Variants in ATP6V1A observed in about 807,000 individuals in gnomAD.
The protein encoded by ATP6V1A is ATPase H+ transporting V1 subunit A, also known as V-type proton ATPase catalytic subunit A.
A neutral mutation model predicts 70.1 loss-of-function variants in ATP6V1A; 18 were observed. The observed-to-expected ratio is 0.26, with a 90% confidence interval of 0.18 to 0.38. The LOEUF (loss-of-function observed/expected upper bound fraction) is 0.38, where lower values mean the gene tolerates loss of function less well. ATP6V1A is among the 10% of genes least tolerant of loss of function. ATP6V1A has a pLI of 1.00. For missense variants in ATP6V1A, 424 were observed against 772.4 expected, an observed-to-expected ratio of 0.55 and a Z score of 5.35; for synonymous variants, 232 against 253.8, an observed-to-expected ratio of 0.91 and a Z score of 0.82.
At chr3:113,749,488 A>G (rs1019549856) in intron 1 of ATP6V1A, among the ~76,000 whole-genome samples, 1 of 152,138 alleles carries the variant, frequency 6.6e-6, no homozygotes, top group African/African-American at 2.4e-5. Flanking sequence ...TCTTGTTTTC[A>G]GTGCCTTTAT....
chr3:113,789,900 C>A, intron 8 of ATP6V1A, 60 bp downstream of exon 8: 1 of 1,304,192 alleles, frequency 7.7e-7, no homozygotes, highest in Non-Finnish European at 1.1e-6. Context: ...AAGCTAGCAC[C>A]AAACTTTTCT....
intron 13 of ATP6V1A, 103 bp downstream of exon 13, chr3:113,803,780 C>A: frequency 1.3e-6 from 1 of 791,574 alleles, no homozygotes; most frequent in Non-Finnish European, 2.1e-6. Context: ...CAGGCTCATA[C>A]ACTCTGACTT....
intron 7 of ATP6V1A, 91 bp from the exon 8 acceptor site, chr3:113,789,641 G>T: frequency 2.2e-6 from 2 of 899,514 alleles, no homozygotes; most frequent in South Asian, 1.6e-5. Context: ...CATTAAATAT[G>T]GGCAAAAGTT....
intron 1 of ATP6V1A, among the ~76,000 whole-genome samples, chr3:113,753,136 C>G (rs1176723484): frequency 6.6e-6 from 1 of 152,050 alleles, no homozygotes; most frequent in Non-Finnish European, 1.5e-5. Context: ...AAAGTTCACC[C>G]AGTAAAAATA....
intron 3 of ATP6V1A, 96 bp from the exon 4 acceptor site, chr3:113,784,128 A>T: frequency 8.3e-7 from 1 of 1,199,916 alleles, no homozygotes; most frequent in Non-Finnish European, 1.2e-6. Flanking sequence ...TTCCGTTTTC[A>T]CTTCTTGAGT....
chr3:113,756,643 C>A (rs911275682), intron 1 of ATP6V1A, among the ~76,000 whole-genome samples: 2 of 152,148 alleles, frequency 1.3e-5, no homozygotes, highest in Non-Finnish European at 2.9e-5. Context: ...TTACTACTTT[C>A]AAATAACAGT....
rs1708971781 is a variant in ATP6V1A, at chr3:113,781,086, A to T, written c.119A>T (p.Tyr40Phe). The stretch of plus-strand genomic sequence containing the variant: ...TGTGACATGGCGGGTGCAGCCATGT[A>T]TGAGCTGGTGAGAGTGGGCCACAGC... Reference protein sequence around the residue: ...TACDMAGAAMYELVRVGHSEL... With the variant: ...TACDMAGAAMFELVRVGHSEL... The change falls in exon 3 of 15, where the codon TAT (tyrosine) becomes TTT (phenylalanine). Residue 40 changes from tyrosine (Y) to phenylalanine (F), a missense_variant. Physicochemically the swap from Tyr to Phe is conservative, Grantham distance 22 (BLOSUM62 3). Around this residue, in one of 9 missense-constraint regions of ATP6V1A, gnomAD observed 31 missense variants for 78.6 expected, o/e 0.39. Transcript: ENST00000273398. The T allele has an allele frequency of 6.2e-7, 1 of 1,611,586 alleles. No homozygotes were observed. Among genetic ancestry groups the T allele is most frequent in the Non-Finnish European group, 8.5e-7 (1 of 1,178,606 alleles).
rs1045230893 is a variant in ATP6V1A at position 113,810,836 on chromosome 3, G to T, written c.*1409G>T. The T allele has an allele frequency of 6.6e-6, 1 of 152,194 alleles. No homozygotes were observed. Among genetic ancestry groups the T allele is most frequent in the African/African-American group, 2.4e-5 (1 of 41,450 alleles). The allele number at this position is 152,194 out of a possible 1,614,324, so 9.4% of individuals were successfully genotyped here. A position where few individuals can be genotyped will look rare whatever the true frequency, so the allele number is the denominator to read the frequency against. On this transcript the variant is annotated 3_prime_UTR_variant, in exon 15 of 15. Transcript: ENST00000273398. ...TTGAACAGCCAGTTGACCAATCATAGAAAGTATTACTTTCTTTCATATGGT... is the reference window on the plus strand; with the variant it reads ...TTGAACAGCCAGTTGACCAATCATATAAAGTATTACTTTCTTTCATATGGT...
At chr3:113,790,759 C>T (rs1709082769) in intron 8 of ATP6V1A, among the ~76,000 whole-genome samples, 1 of 152,182 alleles carries the variant, frequency 6.6e-6, no homozygotes, top group Admixed American at 6.5e-5. Flanking sequence ...GAAGTTTCTT[C>T]AAGAAGACTT....
chr3:113,757,857 A>G (rs1708662156), intron 1 of ATP6V1A, among the ~76,000 whole-genome samples: 1 of 152,252 alleles, frequency 6.6e-6, no homozygotes, highest in African/African-American at 2.4e-5. Flanking sequence ...GAAATACTAT[A>G]TTAGTTGGCT....
chr3:113,774,347 A>T (rs1331361590), intron 1 of ATP6V1A, among the ~76,000 whole-genome samples: 1 of 152,238 alleles, frequency 6.6e-6, no homozygotes, highest in Non-Finnish European at 1.5e-5. Context: ...AATAGAATAA[A>T]ATTAGTAGTC....
At position 113,791,708 on chromosome 3, in the gene ATP6V1A, TCTC is replaced by T. The variant is rs3836406; in HGVS notation, c.988+1872_988+1874del. The stretch of plus-strand genomic sequence containing the variant: ...AGCTGTAAGACCATTCACAGTGAAT[TCTC>T]CTCTGTCTCACCCACTTTTCATTTA... On this transcript the variant is annotated intron_variant, in intron 8 of 14. Transcript: ENST00000273398. Among the ~76,000 whole-genome samples the T allele has an allele frequency of 5.2e-3, 787 of 152,278 alleles. 15 individuals carry two copies. The highest frequency in any genetic ancestry group is 0.034 in the Admixed American group (516 of 15,292).
At chr3:113,770,116 T>G (rs1286411997) in intron 1 of ATP6V1A, among the ~76,000 whole-genome samples, 1 of 151,994 alleles carries the variant, frequency 6.6e-6, no homozygotes, top group Admixed American at 6.6e-5. Context: ...TGGAGCAATC[T>G]CCAGTCACTG....
intron 1 of ATP6V1A, among the ~76,000 whole-genome samples, chr3:113,772,533 C>T (rs1457291600): frequency 1.3e-5 from 2 of 152,112 alleles, no homozygotes; most frequent in African/African-American, 4.8e-5. Flanking sequence ...CGAGACCATC[C>T]TGGCTAACAC....
rs1314232079 is a variant in ATP6V1A at position 113,798,308 on chromosome 3, C to G, written c.1356C>G (p.Ile452Met). 1 of 1,613,914 alleles carries G rather than the reference C, an allele frequency of 6.2e-7. No individual in the cohort carries two copies. Among genetic ancestry groups the G allele is most frequent in the African/African-American group, 1.3e-5 (1 of 74,998 alleles). Residue 452 changes from isoleucine to methionine, a missense_variant, in exon 12 of 15, where the codon ATC becomes ATG. Physicochemically the swap from Ile to Met is conservative, Grantham distance 10. This residue lies in a region of ATP6V1A where 127 missense variants were observed against 207.9 expected (regional missense o/e 0.61). Transcript: ENST00000273398. ...RKHFPSVNWL[I>M]SYSKYMRALD... is the part of the protein sequence containing the mutation. ...ATTTCCCCTCTGTCAATTGGCTCAT[C>G]AGCTACAGCAAGTATATGCGTGCCT...
At chr3:113,748,226 T>G (rs1708545997) in intron 1 of ATP6V1A, among the ~76,000 whole-genome samples, 1 of 152,234 alleles carries the variant, frequency 6.6e-6, no homozygotes, top group South Asian at 2.1e-4. Flanking sequence ...AATACAGGTG[T>G]TGTCCAACCC....
intron 13 of ATP6V1A, among the ~76,000 whole-genome samples, chr3:113,804,427 A>G (rs1709252681): frequency 6.6e-6 from 1 of 152,002 alleles, no homozygotes; most frequent in African/African-American, 2.4e-5. Flanking sequence ...ACTCCTACTC[A>G]GTGCTTTCTT....
At position 113,796,027 on chromosome 3, in the gene ATP6V1A, G is replaced by A. The variant is rs1039602375; in HGVS notation, c.1290+88G>A. 6.8e-6 allele frequency: 8 copies of A among 1,171,270 alleles called. No homozygotes were observed. The African/African-American group carries it at 9.4e-5, about 14-fold the overall frequency. The allele number at this position is 1,171,270 out of a possible 1,614,324, so 72.6% of individuals were successfully genotyped here. ...TCTAATGCGATCTAATGTAATCGTT[G>A]TGAAGTATTTAATTTAGTCTCTAAA... On this transcript the variant is annotated intron_variant, in intron 11 of 14. Coordinates refer to ENST00000273398, the MANE Select transcript of ATP6V1A (RefSeq NM_001690.4).
At chr3:113,791,829 G>T (rs1292729873) in intron 8 of ATP6V1A, among the ~76,000 whole-genome samples, 2 of 147,606 alleles carry the variant, frequency 1.4e-5, no homozygotes, top group East Asian at 2.0e-4. Context: ...TCCTTCCTGC[G>T]ACTGGCCATG....
Sources: gnomAD v4.1 joint callset for allele counts (sites outside exome capture counted in the v4.1 genomes callset) on GRCh38, gnomAD v4.1.1 for gene constraint, gnomAD v4.1.1 regional missense constraint, MANE v1.5 for transcripts, NCBI Gene and HGNC (gene_info 2026-07-23, HGNC 2026-07-21) for gene names.